CDK6: variants seen among roughly 807,000 people sequenced by gnomAD.
CDK6 encodes the protein cyclin-dependent kinase 6.
A neutral mutation model predicts 37.1 loss-of-function variants in CDK6; 6 were observed. The observed-to-expected ratio is 0.16, with a 90% CI of 0.09 to 0.32. The LOEUF (loss-of-function observed/expected upper bound fraction) is 0.32. Ranked by LOEUF, CDK6 falls within the 10% of genes least tolerant of loss-of-function variation. CDK6 has a pLI of 1.00. For missense variants in CDK6, 224 were observed against 418.9 expected (o/e 0.53, Z 4.06); for synonymous variants, 160 against 161.3 (o/e 0.99, Z 0.06).
At chr7:92,789,369 A>C (rs1034373295) in intron 2 of CDK6, among the ~76,000 whole-genome samples, 4 of 152,226 alleles carry the variant, frequency 2.6e-5, no homozygotes, top group African/African-American at 9.6e-5. Flanking sequence ...GAACACTGGC[A>C]AAGGTAACTA....
chr7:92,729,869 A>T (rs534145748), intron 3 of CDK6, among the ~76,000 whole-genome samples: 1 of 152,270 alleles, frequency 6.6e-6, no homozygotes, highest in Non-Finnish European at 1.5e-5. Flanking sequence ...ACTCCTGAGT[A>T]GCTGGGACTA....
At chr7:92,654,325 A>T (rs1451420557) in intron 5 of CDK6, among the ~76,000 whole-genome samples, 1 of 151,344 alleles carries the variant, frequency 6.6e-6, no homozygotes, top group Non-Finnish European at 1.5e-5. Flanking sequence ...GTCTTTTGGG[A>T]AGTGTTACTT....
intron 5 of CDK6, among the ~76,000 whole-genome samples, chr7:92,647,806 G>A (rs1796484920): frequency 6.6e-6 from 1 of 152,234 alleles, no homozygotes; most frequent in Non-Finnish European, 1.5e-5. Flanking sequence ...GAACAGTGGT[G>A]TAGTGGACGC....
intron 5 of CDK6, 171 bp downstream of exon 5, chr7:92,671,255 T>C (rs1351203441): frequency 6.9e-6 from 3 of 434,710 alleles, no homozygotes; most frequent in South Asian, 5.5e-5. Context: ...AAAACAACAC[T>C]GTAAGCACTG....
At chr7:92,820,264 T>C (rs1801139538) in intron 2 of CDK6, among the ~76,000 whole-genome samples, 1 of 152,130 alleles carries the variant, frequency 6.6e-6, no homozygotes, top group South Asian at 2.1e-4. Flanking sequence ...AATCCAGATG[T>C]CTGTTTTTAC....
intron 2 of CDK6, among the ~76,000 whole-genome samples, chr7:92,814,526 GCT>G (rs1800973183): frequency 7.2e-6 from 1 of 138,882 alleles, no homozygotes; most frequent in Admixed American, 7.7e-5. Context: ...CAGCCCTTCT[GCT>G]CCCAACCAGG....
At chr7:92,766,549 A>G (rs999315964) in intron 3 of CDK6, among the ~76,000 whole-genome samples, 4 of 152,228 alleles carry the variant, frequency 2.6e-5, no homozygotes, top group African/African-American at 9.6e-5. Context: ...GGACTAAATG[A>G]CATCACTTGA....
At chr7:92,716,747 T>G (rs1382462748) in intron 4 of CDK6, among the ~76,000 whole-genome samples, 1 of 152,158 alleles carries the variant, frequency 6.6e-6, no homozygotes, top group Non-Finnish European at 1.5e-5. Flanking sequence ...CCAAGGACCA[T>G]GTCTCATACT....
At chr7:92,691,920 A>G (rs963224066) in intron 4 of CDK6, among the ~76,000 whole-genome samples, 2 of 152,256 alleles carry the variant, frequency 1.3e-5, no homozygotes, top group Admixed American at 6.5e-5. Flanking sequence ...GAAGGATGCC[A>G]TCTTATTGCT....
intron 2 of CDK6, among the ~76,000 whole-genome samples, chr7:92,793,661 T>C (rs983843122): frequency 9.9e-5 from 15 of 152,172 alleles, no homozygotes; most frequent in East Asian, 3.9e-4. Context: ...GAAAAAAACA[T>C]AGCAGTAAAT....
At chr7:92,626,327 CAGGAGACA>C (rs1351651983) in intron 5 of CDK6, among the ~76,000 whole-genome samples, 4 of 151,786 alleles carry the variant, frequency 2.6e-5, no homozygotes, top group African/African-American at 9.7e-5. Flanking sequence ...ACATTAATAG[CAGGAGACA>C]AGGAGACAAG....
chr7:92,734,238 G>T (rs183683733), intron 3 of CDK6, among the ~76,000 whole-genome samples: 2 of 152,146 alleles, frequency 1.3e-5, no homozygotes, highest in East Asian at 3.9e-4. Context: ...CACCTCTGAG[G>T]CTCCCACTAT....
intron 2 of CDK6, among the ~76,000 whole-genome samples, chr7:92,775,668 A>G (rs1562961984): frequency 6.6e-6 from 1 of 152,228 alleles, no homozygotes; most frequent in Non-Finnish European, 1.5e-5. Context: ...TACACTATTT[A>G]GCACAACAGA....
chr7:92,722,794 G>T (rs897454680), intron 4 of CDK6, among the ~76,000 whole-genome samples: 3 of 152,174 alleles, frequency 2.0e-5, no homozygotes, highest in Non-Finnish European at 4.4e-5. Flanking sequence ...AAATAAACAA[G>T]GCACTGTGTG....
intron 5 of CDK6, among the ~76,000 whole-genome samples, chr7:92,625,259 CCTCT>C (rs1336562695): frequency 6.8e-6 from 1 of 147,008 alleles, no homozygotes; most frequent in Non-Finnish European, 1.5e-5. Flanking sequence ...CACACACACA[CCTCT>C]CTTATTCCTG....
rs150504423 is a variant in CDK6, at chr7:92,629,680, T to C, written c.648-6594A>G. Among the ~76,000 whole-genome samples the C allele has an allele frequency of 2.0e-5, 3 of 152,300 alleles. No individual in the cohort carries two copies. In the East Asian group the frequency reaches 5.8e-4, roughly 29 times the overall value. ...AGAAATAGTTACTTCTCTGAAATATTCAAATAATTTCATTTTTATTCTCCC... is the reference window on the plus strand; with the variant it reads ...AGAAATAGTTACTTCTCTGAAATATCCAAATAATTTCATTTTTATTCTCCC... On this transcript the variant is annotated intron_variant, in intron 5 of 7. Coordinates refer to ENST00000424848, the MANE Select transcript of CDK6 (RefSeq NM_001145306.2).
At chr7:92,690,817 C>T (rs1273548048) in intron 4 of CDK6, among the ~76,000 whole-genome samples, 2 of 151,958 alleles carry the variant, frequency 1.3e-5, no homozygotes, top group African/African-American at 4.8e-5. Flanking sequence ...TATATGAAAA[C>T]CTGGTTTTGC....
rs145229780 is a variant in CDK6 at position 92,766,916 on chromosome 7, C to T, written c.369+7780G>A. On this transcript the variant is annotated intron_variant, in intron 3 of 7. Coordinates refer to ENST00000424848, the MANE Select transcript of CDK6 (RefSeq NM_001145306.2). ...TATTTAGTGAGTCAGTCTTACAGTACCTTTAGAAAGAAACTAGCTTTTCTT... is the reference window on the plus strand; with the variant it reads ...TATTTAGTGAGTCAGTCTTACAGTATCTTTAGAAAGAAACTAGCTTTTCTT... 3.9e-3 allele frequency among the ~76,000 whole-genome samples: 596 copies of T among 152,212 alleles called. 4 individuals are homozygous for T. The highest frequency in any genetic ancestry group is 6.4e-3 in the Non-Finnish European group (433 of 68,008).
intron 3 of CDK6, among the ~76,000 whole-genome samples, chr7:92,763,774 G>A (rs776810093): frequency 2.6e-4 from 39 of 152,180 alleles, no homozygotes; most frequent in Non-Finnish European, 4.9e-4. Flanking sequence ...TAAGGGAGAT[G>A]TTTTCCATTT....
Sources: gnomAD v4.1 joint callset for allele counts (sites outside exome capture counted in the v4.1 genomes callset) on GRCh38, gnomAD v4.1.1 for gene constraint, MANE v1.5 for transcripts, NCBI Gene and HGNC (gene_info 2026-07-23, HGNC 2026-07-21) for gene names.